TPM1: variants seen among roughly 807,000 people sequenced by gnomAD.
The protein encoded by TPM1 is tropomyosin 1.
Under a neutral mutation model 42.9 loss-of-function variants are expected in TPM1, and 24 were observed. That is an observed-to-expected ratio of 0.56 (90% CI 0.41 to 0.79). TPM1 has a LOEUF of 0.79. Among genes scored for constraint, TPM1 ranks in the 30% least tolerant of loss-of-function variants. The probability of loss-of-function intolerance (pLI) is 0.00; values close to 1 mark genes in which losing one functional copy is unlikely to be tolerated. For synonymous variants in TPM1, 136 were observed against 130.1 expected, an observed-to-expected ratio of 1.05 and a Z score of -0.31; for missense variants, 158 against 351.8, an observed-to-expected ratio of 0.45 and a Z score of 4.41.
chr15:63,070,845 G>T (rs1485034478), downstream of TPM1: 1 of 1,299,258 alleles, frequency 7.7e-7, no homozygotes, highest in Non-Finnish European at 9.9e-7. Context: ...TTTATCCTCA[G>T]TGAATTGTTG....
chr15:63,056,781 A>G (rs2034867254), intron 2 of TPM1: 4 of 674,894 alleles, frequency 5.9e-6, no homozygotes, highest in South Asian at 3.3e-5. Context: ...TTGTGTATAC[A>G]CAAATATGGA....
chr15:63,061,133 C>T (rs1018802691), intron 5 of TPM1, 194 bp downstream of exon 5: 4 of 1,538,616 alleles, frequency 2.6e-6, no homozygotes, highest in Non-Finnish European at 3.6e-6. Context: ...GCGTGTATCA[C>T]TGCATGCCTT....
chr15:63,054,963 G>A (rs1236125158), intron 2 of TPM1, among the ~76,000 whole-genome samples: 1 of 151,470 alleles, frequency 6.6e-6, no homozygotes, highest in African/African-American at 2.4e-5. Context: ...ATATAGAAAA[G>A]TGAAGAAATC....
intron 2 of TPM1, chr15:63,048,830 A>G: frequency 1.5e-6 from 2 of 1,302,338 alleles, no homozygotes; most frequent in Non-Finnish European, 2.1e-6. Context: ...TCCAGGGCGC[A>G]CCTGGCGCAC....
chr15:63,070,199 CA>C, downstream of TPM1: 1 of 1,271,192 alleles, frequency 7.9e-7, no homozygotes. Flanking sequence ...CTTGAAATAG[CA>C]GGTCCTCTTG....
chr15:63,049,614 A>G (rs2033404620), intron 2 of TPM1, among the ~76,000 whole-genome samples: 1 of 152,176 alleles, frequency 6.6e-6, no homozygotes, highest in South Asian at 2.1e-4. Context: ...AATTGATAGT[A>G]TGATGTCCTG....
intron 8 of TPM1, chr15:63,062,912 T>G: frequency 6.8e-7 from 1 of 1,462,450 alleles, no homozygotes; most frequent in Admixed American, 2.6e-5. Flanking sequence ...CAGGTTTATT[T>G]TTCACTGTGA....
chr15:63,070,852 G>C (rs968033672), downstream of TPM1: 14 of 1,310,600 alleles, frequency 1.1e-5, no homozygotes, highest in South Asian at 6.2e-5. Context: ...TCAGTGAATT[G>C]TTGGTGGAGG....
At chr15:63,070,900 C>T (rs921096704), downstream of TPM1, 9 of 1,383,082 alleles carry the variant, frequency 6.5e-6, no homozygotes, top group Admixed American at 2.5e-4. Flanking sequence ...TGCCATGGCT[C>T]CTTTGGGTCA....
chr15:63,049,587 C>A (rs541645133), intron 2 of TPM1, among the ~76,000 whole-genome samples: 1 of 152,048 alleles, frequency 6.6e-6, no homozygotes, highest in South Asian at 2.1e-4. Flanking sequence ...AAACAAACAC[C>A]TTGGGAGTTT....
chr15:63,046,727 A>G (rs537298159), intron 2 of TPM1: 4 of 152,730 alleles, frequency 2.6e-5, no homozygotes, highest in Non-Finnish European at 5.9e-5. Flanking sequence ...ATGAGTCTTT[A>G]TCCCTTTGTA....
chr15:63,051,815 C>T (rs1162715750), intron 2 of TPM1, among the ~76,000 whole-genome samples: 1 of 151,714 alleles, frequency 6.6e-6, no homozygotes, highest in Admixed American at 6.6e-5. Context: ...AAGTAAAAGT[C>T]ACTGCCATTT....
intron 2 of TPM1, chr15:63,047,522 T>C (rs1566941044): frequency 6.6e-6 from 1 of 152,180 alleles, no homozygotes; most frequent in Non-Finnish European, 1.5e-5. Flanking sequence ...GGGTGCCTTT[T>C]AAAGGCATCC....
chr15:63,052,769 TA>T lies in TPM1; in HGVS notation c.241-4205del, dbSNP rs201619461. ...AAAATATTGAAATAAGCTCAAAACT[TA>T]AAAAAAAAAATACCAGAAATAAAAG... On this transcript the variant is annotated intron_variant, in intron 2 of 9. Transcript: ENST00000403994. Among the ~76,000 whole-genome samples the T allele has an allele frequency of 2.5e-3, 368 of 146,110 alleles. 2 individuals carry two copies. The highest frequency in any genetic ancestry group is 8.1e-3 in the African/African-American group (324 of 39,808).
chr15:63,052,045 G>A (rs1024996042), intron 2 of TPM1, among the ~76,000 whole-genome samples: 1 of 152,072 alleles, frequency 6.6e-6, no homozygotes, highest in Admixed American at 6.5e-5. Context: ...GGCACCTCAA[G>A]TACAGAGCAC....
At chr15:63,051,817 CT>C (rs2033926767) in intron 2 of TPM1, among the ~76,000 whole-genome samples, 1 of 151,650 alleles carries the variant, frequency 6.6e-6, no homozygotes, top group South Asian at 2.1e-4. Flanking sequence ...GTAAAAGTCA[CT>C]GCCATTTTTA....
intron 2 of TPM1, 67 bp downstream of exon 2, chr15:63,044,219 GC>G: frequency 6.2e-7 from 1 of 1,612,700 alleles, no homozygotes. Context: ...TCACCACAGG[GC>G]TGGAGAGCAA....
chr15:63,059,796 G>A (rs2035349853), intron 4 of TPM1, 116 bp downstream of exon 4: 1 of 754,272 alleles, frequency 1.3e-6, no homozygotes, highest in Middle Eastern at 3.5e-4. Context: ...GGCAGAAATG[G>A]GTGGTTTTGA....
At chr15:63,045,524 C>G (rs2032214791) in intron 2 of TPM1, 1 of 152,142 alleles carries the variant, frequency 6.6e-6, no homozygotes, top group Non-Finnish European at 1.5e-5. Flanking sequence ...CGCAAATTCT[C>G]CAGCAGGACG....
Sources: gnomAD v4.1 joint callset for allele counts (sites outside exome capture counted in the v4.1 genomes callset) on GRCh38, gnomAD v4.1.1 for gene constraint, MANE v1.5 for transcripts, NCBI Gene and HGNC (gene_info 2026-07-23, HGNC 2026-07-21) for gene names.